Variants in RBFOX1 observed in about 807,000 individuals in gnomAD.
The protein encoded by RBFOX1 is RNA binding fox-1 homolog 1.
RBFOX1 carries 8 observed loss-of-function variants against 57.7 expected under a neutral mutation model. The ratio of observed to expected loss-of-function variants is 0.14; its 90% confidence interval spans 0.08 to 0.25. The LOEUF (loss-of-function observed/expected upper bound fraction) is 0.25, where lower values mean the gene tolerates loss of function less well. Ranked by LOEUF, RBFOX1 falls within the 10% of genes least tolerant of loss-of-function variation. The pLI is 1.00. For synonymous variants in RBFOX1, 326 were observed against 222.4 expected (o/e 1.47, Z -4.15); for missense variants, 611 against 548.5 (o/e 1.11, Z -1.14).
rs1555582278 is a variant in RBFOX1, at chr16:6,256,177, A to ATATG, written c.-126-60815_-126-60814insGTAT. On this transcript the variant is annotated intron_variant, in intron 1 of 15. Transcript: ENST00000550418. ...TATATATGTATATATATATGTATAT[A>ATATG]TATATATACGTATATATATGTATAT... 3.3e-3 allele frequency among the ~76,000 whole-genome samples: 65 copies of ATATG among 19,452 alleles called. 12 individuals carry two copies. The highest frequency in any genetic ancestry group is 0.019 in the Middle Eastern group (1 of 54). The allele number at this position is 19,452 out of a possible 152,430, so 12.8% of individuals were successfully genotyped here.
intron 14 of RBFOX1, among the ~76,000 whole-genome samples, chr16:7,705,241 T>G (rs1161689927): frequency 6.6e-6 from 1 of 151,928 alleles, no homozygotes; most frequent in Non-Finnish European, 1.5e-5. Flanking sequence ...GCATGGTGGC[T>G]CATGCGTGTA....
chr16:6,580,862 G>A (rs1458371359), intron 2 of RBFOX1, among the ~76,000 whole-genome samples: 1 of 150,402 alleles, frequency 6.6e-6, no homozygotes, highest in East Asian at 2.0e-4. Context: ...TGCCTAAATG[G>A]AACTCAATTT....
intron 1 of RBFOX1, among the ~76,000 whole-genome samples, chr16:6,236,817 G>C (rs1015368610): frequency 6.6e-6 from 1 of 152,028 alleles, no homozygotes; most frequent in Non-Finnish European, 1.5e-5. Flanking sequence ...AAATGTATCC[G>C]TAAGAGCAAC....
At chr16:6,818,401 C>A (rs138933432) in intron 3 of RBFOX1, among the ~76,000 whole-genome samples, 1 of 151,964 alleles carries the variant, frequency 6.6e-6, no homozygotes, top group Non-Finnish European at 1.5e-5. Context: ...AAATGAACTT[C>A]ATCTGACGTA....
chr16:6,334,260 C>T (rs144756927), intron 2 of RBFOX1, among the ~76,000 whole-genome samples: 27 of 152,152 alleles, frequency 1.8e-4, no homozygotes, highest in Admixed American at 7.9e-4. Context: ...GTAATCCTAG[C>T]GCTTTGGGAG....
intron 3 of RBFOX1, among the ~76,000 whole-genome samples, chr16:6,960,107 G>C (rs1009551153): frequency 1.3e-5 from 2 of 152,008 alleles, no homozygotes; most frequent in African/African-American, 4.8e-5. Context: ...AAGTGTATTG[G>C]GGGTCTGAAG....
chr16:6,231,552 C>T (rs936592512), intron 1 of RBFOX1, among the ~76,000 whole-genome samples: 1 of 152,174 alleles, frequency 6.6e-6, no homozygotes, highest in Non-Finnish European at 1.5e-5. Flanking sequence ...GTGTCCTTGG[C>T]AAGGGCACTC....
intron 3 of RBFOX1, among the ~76,000 whole-genome samples, chr16:6,660,977 A>G (rs2098697803): frequency 6.6e-6 from 1 of 152,130 alleles, no homozygotes; most frequent in South Asian, 2.1e-4. Context: ...TCCAGGTAGG[A>G]AATAATGAAT....
At chr16:7,172,750 C>G (rs950828055) in intron 4 of RBFOX1, among the ~76,000 whole-genome samples, 2 of 152,134 alleles carry the variant, frequency 1.3e-5, no homozygotes, top group African/African-American at 4.8e-5. Flanking sequence ...AGGTGGCAGA[C>G]ACAGAGGTGT....
At chr16:7,330,383 C>A (rs1010548305) in intron 4 of RBFOX1, among the ~76,000 whole-genome samples, 1 of 127,504 alleles carries the variant, frequency 7.8e-6, no homozygotes, top group Non-Finnish European at 1.6e-5. Flanking sequence ...AGTGCAGGTG[C>A]AGAGGTTTTT....
intron 4 of RBFOX1, among the ~76,000 whole-genome samples, chr16:7,240,512 C>A (rs2346615): frequency 0.29 from 44,352 of 152,006 alleles, 7,150 homozygotes; most frequent in Middle Eastern, 0.49. Flanking sequence ...ATTTCTGTTT[C>A]TAAATACTGG....
At chr16:6,832,635 C>A (rs1009333206) in intron 3 of RBFOX1, among the ~76,000 whole-genome samples, 3 of 152,130 alleles carry the variant, frequency 2.0e-5, no homozygotes, top group Admixed American at 2.0e-4. Context: ...TTGCTTCCTG[C>A]CTCCTTGCTG....
chr16:6,720,314 C>T (rs1191587477), intron 3 of RBFOX1, among the ~76,000 whole-genome samples: 1 of 152,116 alleles, frequency 6.6e-6, no homozygotes, highest in Non-Finnish European at 1.5e-5. Context: ...TAAGACATGC[C>T]AGCTTCCCTT....
intron 2 of RBFOX1, among the ~76,000 whole-genome samples, chr16:6,490,985 C>G (rs964586332): frequency 2.0e-5 from 3 of 151,916 alleles, no homozygotes; most frequent in African/African-American, 7.3e-5. Flanking sequence ...AAAATGAAAC[C>G]AGAATTTGTT....
At chr16:7,195,014 C>A (rs548124203) in intron 4 of RBFOX1, among the ~76,000 whole-genome samples, 1 of 150,724 alleles carries the variant, frequency 6.6e-6, no homozygotes, top group African/African-American at 2.4e-5. Flanking sequence ...TTGATTGGTT[C>A]TTAATTAGTT....
chr16:5,714,268 C>G (rs1329753324), intron 3 of RBFOX1, among the ~76,000 whole-genome samples: 1 of 152,200 alleles, frequency 6.6e-6, no homozygotes, highest in Non-Finnish European at 1.5e-5. Flanking sequence ...TGGCCAATGG[C>G]TCAAGGCAGA....
chr16:6,428,103 T>G (rs770160853), intron 2 of RBFOX1, among the ~76,000 whole-genome samples: 17 of 151,724 alleles, frequency 1.1e-4, no homozygotes, highest in Admixed American at 2.0e-4. Context: ...GGCAACATAG[T>G]GAGACCCCAT....
chr16:6,646,395 C>T (rs1475044878), intron 2 of RBFOX1, among the ~76,000 whole-genome samples: 1 of 152,042 alleles, frequency 6.6e-6, no homozygotes, highest in Non-Finnish European at 1.5e-5. Context: ...TAAATTAATC[C>T]TGACAAGAAT....
intron 2 of RBFOX1, among the ~76,000 whole-genome samples, chr16:5,490,579 C>G (rs1035627871): frequency 3.9e-5 from 6 of 152,146 alleles, no homozygotes. Flanking sequence ...TGGTGCTGGC[C>G]GAGGGCGGGG....
Sources: gnomAD v4.1 joint callset for allele counts (sites outside exome capture counted in the v4.1 genomes callset) on GRCh38, gnomAD v4.1.1 for gene constraint, MANE v1.5 for transcripts, NCBI Gene and HGNC (gene_info 2026-07-23, HGNC 2026-07-21) for gene names.